The following USP40 variants were observed in gnomAD, a reference collection of about 807,000 sequenced individuals.
USP40 encodes the protein ubiquitin specific peptidase 40.
In USP40, 143 loss-of-function variants were observed where a neutral mutation model predicts 166.2. That is an observed-to-expected ratio of 0.86 (90% CI 0.75 to 0.99). The LOEUF is 0.99. Ranked by LOEUF, USP40 falls within the 50% of genes least tolerant of loss-of-function variation. The pLI is 0.00. For missense variants in USP40, 1,444 were observed against 1,479.7 expected, an observed-to-expected ratio of 0.98 and a Z score of 0.40; for synonymous variants, 498 against 524.0, an observed-to-expected ratio of 0.95 and a Z score of 0.68.
chr2:233,554,864 T>A lies in USP40; in HGVS notation c.547-338A>T, dbSNP rs561136342. 2.8e-4 allele frequency among the ~76,000 whole-genome samples: 43 copies of A among 152,316 alleles called. 1 individual carries two copies. In the Middle Eastern group the frequency reaches 0.014, roughly 48 times the overall value. ...CATATATACAAGGTATACAGTACTG[T>A]TTTAGACTAGACTATAAGAGCAAGG... On this transcript the variant is annotated intron_variant, in intron 5 of 31. Transcript: ENST00000678225.
chr2:233,492,312 ACT>A (rs1251234970), intron 25 of USP40, among the ~76,000 whole-genome samples: 6 of 152,138 alleles, frequency 3.9e-5, no homozygotes, highest in Admixed American at 3.3e-4. Flanking sequence ...TGTGTAAATC[ACT>A]CTACCGTGTT....
rs189630434 is a variant in USP40, at chr2:233,493,254, G to A, written c.2917+171C>T. On this transcript the variant is annotated intron_variant, in intron 25 of 31. Transcript: ENST00000678225. The surrounding 1 kb of genome is among the most constrained non-coding windows in gnomAD (Gnocchi z 4.7). ...AGGTTACAGAGCACGTACAGAAATG[G>A]CACAGTGTTATTATTATGTGATGTC... 6.2e-4 allele frequency: 537 copies of A among 861,038 alleles called. 2 individuals carry two copies. Among genetic ancestry groups the A allele is most frequent in the Non-Finnish European group, 8.9e-4 (491 of 551,808 alleles). The allele number at this position is 861,038 out of a possible 1,614,324, so 53.3% of individuals were successfully genotyped here.
At chr2:233,507,632 A>G (rs1195489545) in intron 21 of USP40, among the ~76,000 whole-genome samples, 1 of 151,938 alleles carries the variant, frequency 6.6e-6, no homozygotes, top group East Asian at 1.9e-4. Context: ...AAAAAAAAAA[A>G]AGAGTTGACA....
intron 31 of USP40, 93 bp from the exon 32 acceptor site, chr2:233,477,596 T>C (rs772893987): frequency 5.6e-6 from 6 of 1,076,284 alleles, no homozygotes; most frequent in South Asian, 2.7e-5. Context: ...TCCAATTTTA[T>C]AGGCCACAAG....
intron 10 of USP40, among the ~76,000 whole-genome samples, chr2:233,534,849 C>A (rs1038604959): frequency 6.6e-6 from 1 of 152,198 alleles, no homozygotes; most frequent in African/African-American, 2.4e-5. Flanking sequence ...CTCTTTTAAG[C>A]CTCAAACATC....
intron 20 of USP40, 59 bp from the exon 21 acceptor site, chr2:233,510,194 G>A: frequency 7.6e-7 from 1 of 1,320,020 alleles, no homozygotes; most frequent in Non-Finnish European, 1.1e-6. Flanking sequence ...TCCAATAAAT[G>A]TATTATTTAC....
rs373555933 is a variant in USP40, at chr2:233,533,518, A to G, written c.1432T>C (p.Leu478=). 11 of 1,613,692 alleles carry G rather than the reference A, an allele frequency of 6.8e-6. No individual in the cohort carries two copies. In the African/African-American group the frequency reaches 1.5e-4, roughly 22 times the overall value. ...TGCAACTGGGATTTCCGATAAAACA[A>G]CATGTAGGCACTTTCTTTACCCTGA... ...QFQGKESAYM[L]FYRKSQLQRP... The change falls in exon 11 of 32, where the codon TTG becomes CTG. Residue 478 remains leucine, a synonymous_variant. Coordinates refer to ENST00000678225, the MANE Select transcript of USP40 (RefSeq NM_001365479.2).
intron 25 of USP40, 28 bp from the exon 26 acceptor site, chr2:233,491,289 C>T: frequency 6.6e-7 from 1 of 1,520,238 alleles, no homozygotes; most frequent in African/African-American, 1.4e-5. Context: ...GGGATGTTTA[C>T]AAGGAACTTG....
At chr2:233,488,435 CT>C (rs1429975170) in intron 27 of USP40, 131 bp from the exon 28 acceptor site, 1 of 797,332 alleles carries the variant, frequency 1.3e-6, no homozygotes, top group African/African-American at 1.8e-5. Flanking sequence ...AACACCCAAA[CT>C]TTTGGAAAAG....
Position 233,527,423 on chromosome 2 carries a change from C to T in USP40, c.1709G>A (p.Arg570Gln), listed in dbSNP as rs36075906. ...CGATATTACCTGAAATATTGACTGC[C>T]GGAGATCTCCTAAAGTTTTTCTTTT... The part of the protein sequence containing the change: ...FDKRKTLGDL[R>Q]QSIFQLLEFW... The change falls in exon 13 of 32, where the codon CGG becomes CAG. Residue 570 changes from arginine (R) to glutamine (Q), a missense_variant. Physicochemically the swap from Arg to Gln is conservative, Grantham distance 43. Transcript: ENST00000678225. 0.057 allele frequency: 91,600 copies of T among 1,612,312 alleles called. 4,769 individuals carry two copies. The highest frequency in any genetic ancestry group is 0.24 in the Admixed American group (14,220 of 59,840).
intron 16 of USP40, among the ~76,000 whole-genome samples, chr2:233,522,042 C>G (rs903065758): frequency 3.3e-5 from 5 of 152,138 alleles, no homozygotes; most frequent in Non-Finnish European, 5.9e-5. Flanking sequence ...TGCCCAAGGT[C>G]CCACTACAGC....
intron 23 of USP40, among the ~76,000 whole-genome samples, chr2:233,497,780 C>T (rs2065832453): frequency 6.6e-6 from 1 of 152,240 alleles, no homozygotes; most frequent in South Asian, 2.1e-4. Context: ...CAAACTCCTG[C>T]CCAGGCCCCA....
chr2:233,513,491 T>G (rs2066970510), intron 18 of USP40, among the ~76,000 whole-genome samples: 1 of 152,146 alleles, frequency 6.6e-6, no homozygotes, highest in Admixed American at 6.6e-5. Context: ...GGTGCACATG[T>G]GTTATTTATG....
intron 18 of USP40, among the ~76,000 whole-genome samples, chr2:233,516,424 G>A (rs1462916692): frequency 2.0e-5 from 3 of 152,102 alleles, no homozygotes; most frequent in African/African-American, 7.2e-5. Flanking sequence ...CTGGCCAGGT[G>A]CAGTGGCTCA....
chr2:233,478,173 A>G (rs892853312), intron 31 of USP40, among the ~76,000 whole-genome samples: 3 of 152,270 alleles, frequency 2.0e-5, no homozygotes, highest in Non-Finnish European at 4.4e-5. Context: ...TTTTGGGGAT[A>G]TCCTGGTAGG....
rs1156718290 is a variant in USP40, at chr2:233,495,015, A to ATT, written c.2791-1465_2791-1464insAA. Among the ~76,000 whole-genome samples, 34 of 135,892 alleles carry ATT rather than the reference A, an allele frequency of 2.5e-4. 1 individual carries two copies. Among genetic ancestry groups the ATT allele is most frequent in the African/African-American group, 8.8e-4 (33 of 37,630 alleles). 89.2% of individuals were successfully genotyped at this position (135,892 alleles called of 152,430 possible). ...AAAAAATAAATAAATAAATAAATAT[A>ATT]TAAAATAAATATATTTTTTACATTG... On this transcript the variant is annotated intron_variant, in intron 24 of 31. Transcript: ENST00000678225.
chr2:233,561,246 GCCCGCATCGCCAAGTCAAT>G, intron 3 of USP40: 7 of 1,518,074 alleles, frequency 4.6e-6, no homozygotes, highest in Non-Finnish European at 5.3e-6. Context: ...CCAAAAAAGA[GCCCGCATCGCCAAGTCAAT>G]CCTAAGCCAA....
At chr2:233,516,613 G>A (rs530741138) in intron 18 of USP40, among the ~76,000 whole-genome samples, 3 of 151,972 alleles carry the variant, frequency 2.0e-5, no homozygotes, top group South Asian at 4.2e-4. Context: ...GCGTGAACCC[G>A]GGAAGCAAAG....
Position 233,542,249 on chromosome 2 carries a change from A to G in USP40, c.1062+19T>C, listed in dbSNP as rs1422007909. ...CAATACATACCATACATACAAATAC[A>G]TACACACACATACTATACCTCTAAT... On this transcript the variant is annotated intron_variant, in intron 9 of 31. Coordinates refer to ENST00000678225, the MANE Select transcript of USP40 (RefSeq NM_001365479.2). 1 of 1,405,520 alleles carries G rather than the reference A, an allele frequency of 7.1e-7. No homozygotes were observed. The highest frequency in any genetic ancestry group is 2.0e-5 in the Admixed American group (1 of 49,762). 87.1% of individuals were successfully genotyped at this position (1,405,520 alleles called of 1,614,324 possible). A position where few individuals can be genotyped will look rare whatever the true frequency, so the allele number is the denominator to read the frequency against.
Sources: allele counts gnomAD v4.1 joint callset (sites outside exome capture counted in the v4.1 genomes callset), GRCh38; gene constraint gnomAD v4.1.1; non-coding constraint Gnocchi (gnomAD v3.1); transcripts MANE v1.5; gene names NCBI Gene and HGNC (gene_info 2026-07-23, HGNC 2026-07-21).